TUBGCP3: variants seen among roughly 807,000 people sequenced by gnomAD.
The protein encoded by TUBGCP3 is gamma-tubulin complex component 3.
Under a neutral mutation model 123.1 loss-of-function variants are expected in TUBGCP3, and 50 were observed. The ratio of observed to expected loss-of-function variants is 0.41; its 90% CI spans 0.32 to 0.51. The LOEUF (loss-of-function observed/expected upper bound fraction) is 0.51, where lower values mean the gene tolerates loss of function less well. TUBGCP3 is among the 20% of genes least tolerant of loss of function. The pLI is 0.36. For missense variants in TUBGCP3, 882 were observed against 1,127.0 expected, an observed-to-expected ratio of 0.78 and a Z score of 3.11; for synonymous variants, 405 against 413.9, an observed-to-expected ratio of 0.98 and a Z score of 0.26.
intron 20 of TUBGCP3, among the ~76,000 whole-genome samples, chr13:112,498,249 C>G (rs12868952): frequency 0.48 from 73,045 of 152,048 alleles, 20,945 homozygotes; most frequent in South Asian, 0.67. Flanking sequence ...GTTGAGTATC[C>G]TTTATCTGAA....
intron 11 of TUBGCP3, among the ~76,000 whole-genome samples, chr13:112,528,895 A>G (rs1045472558): frequency 7.9e-5 from 12 of 151,948 alleles, no homozygotes; most frequent in African/African-American, 2.4e-4. Flanking sequence ...TCTGTGGCCC[A>G]GGCTGGAGTA....
At chr13:112,604,558 A>G in the TUBGCP3 span, 1 of 152,224 alleles carries the variant, frequency 6.6e-6, no homozygotes, top group African/African-American at 2.4e-5. Flanking sequence ...TCAGACTCCC[A>G]AAGTGCTGTA....
At position 112,525,403 on chromosome 13, in the gene TUBGCP3, A is replaced by G. The variant is rs141279868; in HGVS notation, c.1555+1539T>C. On this transcript the variant is annotated intron_variant, in intron 13 of 21. Transcript: ENST00000261965. ...GTCCCTGATCACTTTCACCTTTATTACTGACTACTGGTTATTTTACTACAC... is the reference window on the plus strand; with the variant it reads ...GTCCCTGATCACTTTCACCTTTATTGCTGACTACTGGTTATTTTACTACAC... Among the ~76,000 whole-genome samples, 145 of 152,208 alleles carry G rather than the reference A, an allele frequency of 9.5e-4. 1 individual carries two copies. In the Middle Eastern group the frequency reaches 0.014, roughly 14 times the overall value.
chr13:112,539,607 C>G (rs886219301), intron 11 of TUBGCP3, among the ~76,000 whole-genome samples: 1 of 152,186 alleles, frequency 6.6e-6, no homozygotes, highest in African/African-American at 2.4e-5. Context: ...TTAAAAATTA[C>G]AAATCATGAA....
chr13:112,603,048 G>A, the TUBGCP3 span: 1 of 152,210 alleles, frequency 6.6e-6, no homozygotes, highest in Non-Finnish European at 1.5e-5. Context: ...CTGGGGTTAG[G>A]TGGCTCTACT....
At chr13:112,553,180 T>C (rs1424257659) in intron 8 of TUBGCP3, among the ~76,000 whole-genome samples, 4 of 149,388 alleles carry the variant, frequency 2.7e-5, no homozygotes, top group Admixed American at 6.7e-5. Flanking sequence ...ACCAAGTGCC[T>C]ACTCACCAGC....
At chr13:112,554,699 G>T (rs903815180) in intron 7 of TUBGCP3, among the ~76,000 whole-genome samples, 188 bp downstream of exon 7, 2 of 152,052 alleles carry the variant, frequency 1.3e-5, no homozygotes, top group East Asian at 3.9e-4. Flanking sequence ...AATCACAAAG[G>T]GTCCCCATAA....
the TUBGCP3 span, among the ~76,000 whole-genome samples, chr13:112,599,978 A>G: frequency 1.3e-5 from 2 of 152,324 alleles, no homozygotes; most frequent in South Asian, 2.1e-4. Context: ...ATTAGTGCAC[A>G]GTGAATGGAC....
At chr13:112,556,845 G>A (rs897950487) in intron 5 of TUBGCP3, among the ~76,000 whole-genome samples, 37 of 152,326 alleles carry the variant, frequency 2.4e-4, no homozygotes, top group African/African-American at 8.7e-4. Context: ...TTTGAAAAAT[G>A]TAAGAACCTC....
chr13:112,572,491 TC>T (rs760288877), intron 1 of TUBGCP3, among the ~76,000 whole-genome samples: 33 of 150,678 alleles, frequency 2.2e-4, no homozygotes, highest in Middle Eastern at 6.8e-3. Context: ...ACTGTTCAAC[TC>T]CCACTTATGA....
intron 13 of TUBGCP3, among the ~76,000 whole-genome samples, chr13:112,523,017 G>A (rs1876752748): frequency 1.3e-5 from 2 of 152,164 alleles, no homozygotes; most frequent in African/African-American, 4.8e-5. Flanking sequence ...CAATAAAGAC[G>A]CCTGACTCTA....
the TUBGCP3 span, among the ~76,000 whole-genome samples, chr13:112,601,186 A>G: frequency 1.3e-5 from 1 of 78,588 alleles, no homozygotes; most frequent in Non-Finnish European, 3.0e-5. Flanking sequence ...GATTCTGTCT[A>G]AAAAAAAAAA....
intron 11 of TUBGCP3, among the ~76,000 whole-genome samples, chr13:112,530,170 A>C (rs1877464121): frequency 6.6e-6 from 1 of 152,224 alleles, no homozygotes; most frequent in South Asian, 2.1e-4. Flanking sequence ...GAAAAATACC[A>C]AAAATATTAC....
chr13:112,526,224 C>T (rs1594144556), intron 13 of TUBGCP3, among the ~76,000 whole-genome samples: 1 of 144,934 alleles, frequency 6.9e-6, no homozygotes, highest in African/African-American at 2.6e-5. Context: ...ATCATCACCA[C>T]CCATCCCCAT....
intron 17 of TUBGCP3, among the ~76,000 whole-genome samples, chr13:112,515,048 T>C (rs118019263): frequency 2.0e-5 from 3 of 152,178 alleles, no homozygotes; most frequent in Non-Finnish European, 4.4e-5. Context: ...TATAAATAAA[T>C]TTTATAAATA....
chr13:112,528,596 A>C (rs1273751501), intron 11 of TUBGCP3, among the ~76,000 whole-genome samples: 1 of 152,244 alleles, frequency 6.6e-6, no homozygotes, highest in Admixed American at 6.5e-5. Flanking sequence ...TTCTTTGTAC[A>C]TTAGGAATAG....
the TUBGCP3 span, among the ~76,000 whole-genome samples, chr13:112,599,210 T>A: frequency 2.6e-5 from 4 of 152,146 alleles, no homozygotes; most frequent in Non-Finnish European, 5.9e-5. Context: ...TCACCTGACT[T>A]GGGGTGCTGT....
At chr13:112,504,285 A>C (rs3742226) in intron 18 of TUBGCP3, 122 bp from the exon 19 acceptor site, 285,234 of 1,287,910 alleles carry the variant, frequency 0.22, 34,991 homozygotes, top group African/African-American at 0.43. Context: ...ATCAGGAGTT[A>C]GAAACCAGCC....
At chr13:112,512,548 A>C (rs1881743258) in intron 17 of TUBGCP3, among the ~76,000 whole-genome samples, 1 of 152,172 alleles carries the variant, frequency 6.6e-6, no homozygotes, top group Non-Finnish European at 1.5e-5. Flanking sequence ...AGCCTGGCCA[A>C]CATGGTGAAA....
Sources: gnomAD v4.1 joint callset for allele counts (sites outside exome capture counted in the v4.1 genomes callset) on GRCh38, gnomAD v4.1.1 for gene constraint, MANE v1.5 for transcripts, NCBI Gene and HGNC (gene_info 2026-07-23, HGNC 2026-07-21) for gene names.